ADARB2: variants seen among roughly 807,000 people sequenced by gnomAD.
The protein encoded by ADARB2 is inactive double-stranded RNA-specific editase B2.
Under a neutral mutation model 62.2 loss-of-function variants are expected in ADARB2, and 25 were observed. The observed-to-expected ratio is 0.40, with a 90% CI of 0.29 to 0.56. ADARB2 has a LOEUF of 0.56. Among genes scored for constraint, ADARB2 ranks in the 20% least tolerant of loss-of-function variants. The pLI is 0.43. For synonymous variants in ADARB2, 572 were observed against 500.8 expected (o/e 1.14, Z -1.90); for missense variants, 1,071 against 1,077.4 (o/e 0.99, Z 0.08).
intron 1 of ADARB2, among the ~76,000 whole-genome samples, chr10:1,532,716 G>A (rs1042608785): frequency 2.6e-5 from 4 of 152,158 alleles, no homozygotes; most frequent in East Asian, 1.9e-4. Flanking sequence ...TTTCTTTAGG[G>A]GGATGTGACC....
intron 7 of ADARB2, among the ~76,000 whole-genome samples, chr10:1,212,198 G>C (rs565420177): frequency 1.3e-5 from 2 of 152,292 alleles, no homozygotes; most frequent in Admixed American, 1.3e-4. Flanking sequence ...TGTTATTTAA[G>C]CCCTAGGTTT....
chr10:1,232,519 T>C (rs111164676), intron 6 of ADARB2, among the ~76,000 whole-genome samples: 11,412 of 151,658 alleles, frequency 0.075, 1,400 homozygotes, highest in African/African-American at 0.26. Flanking sequence ...GTATGTGCTG[T>C]GTGTGATGTG....
intron 3 of ADARB2, among the ~76,000 whole-genome samples, chr10:1,336,805 C>G (rs1212194180): frequency 6.6e-6 from 1 of 152,086 alleles, no homozygotes; most frequent in Non-Finnish European, 1.5e-5. Flanking sequence ...GAAAGAATTG[C>G]TTGCAGGATG....
rs747329974 is a variant in ADARB2, at chr10:1,217,086, C to T, written c.1547G>A (p.Arg516His). 1.6e-5 allele frequency: 26 copies of T among 1,606,144 alleles called. No individual in the cohort carries two copies. Among genetic ancestry groups the T allele is most frequent in the Middle Eastern group, 1.6e-4 (1 of 6,070 alleles). ...CTCGATCTTGGTGCGCAGGTGCCCG[C>T]GGAACTTCCTGACGAGGTGTTTGCT... The part of the protein sequence containing the change: ...HSSKHLVRKF[R>H]GHLRTKIESG... Residue 516 changes from arginine to histidine, a missense_variant, in exon 7 of 10, where the codon CGC becomes CAC. By Grantham distance (29) the Arg-to-His change is conservative. Transcript: ENST00000381312.
chr10:1,698,272 C>T (rs1432653772), intron 1 of ADARB2, among the ~76,000 whole-genome samples: 2 of 152,186 alleles, frequency 1.3e-5, no homozygotes, highest in African/African-American at 2.4e-5. Flanking sequence ...AGATGCCACC[C>T]ATTAGCAGGT....
chr10:1,206,935 G>T (rs1837075804), intron 7 of ADARB2, among the ~76,000 whole-genome samples: 1 of 152,232 alleles, frequency 6.6e-6, no homozygotes, highest in Admixed American at 6.5e-5. Flanking sequence ...GGTCGGTGGT[G>T]CTGGTGCAGG....
chr10:1,335,465 A>G (rs78235122), intron 3 of ADARB2, among the ~76,000 whole-genome samples: 3,371 of 93,722 alleles, frequency 0.036, 74 homozygotes, highest in East Asian at 0.17. Context: ...AACAGGGAAG[A>G]AGGGTGGGGG....
chr10:1,680,074 C>T (rs144605942), intron 1 of ADARB2, among the ~76,000 whole-genome samples: 51 of 152,186 alleles, frequency 3.4e-4, no homozygotes, highest in African/African-American at 8.9e-4. Flanking sequence ...TTGCTTGGCA[C>T]CCATTCCCCT....
At chr10:1,201,136 T>G (rs916995992) in intron 7 of ADARB2, among the ~76,000 whole-genome samples, 1 of 152,216 alleles carries the variant, frequency 6.6e-6, no homozygotes, top group Non-Finnish European at 1.5e-5. Context: ...CACAAGCAAT[T>G]TAGCCAGCGA....
At chr10:1,546,322 A>G (rs1245277494) in intron 1 of ADARB2, among the ~76,000 whole-genome samples, 2 of 152,194 alleles carry the variant, frequency 1.3e-5, no homozygotes, top group Admixed American at 1.3e-4. Flanking sequence ...TGTAGGTCAA[A>G]ACCCTGGTGT....
In ADARB2 at chr10:1,477,779, T is replaced by C. The variant is rs1339532564; in HGVS notation, c.101-98619A>G. ...GAGACCACAGCCACGTGTTATTTCA[T>C]GCTATGTTTAAATCTAACTTGGGAC... On this transcript the variant is annotated intron_variant, in intron 1 of 9. Transcript: ENST00000381312. This position sits in a 1 kb window ranked among gnomAD's most constrained non-coding sequence, Gnocchi z 4.5. Among the ~76,000 whole-genome samples the C allele has an allele frequency of 6.6e-6, 1 of 152,238 alleles. No homozygotes were observed. Among genetic ancestry groups the C allele is most frequent in the Non-Finnish European group, 1.5e-5 (1 of 68,034 alleles).
chr10:1,462,260 G>A (rs1420122609), intron 1 of ADARB2, among the ~76,000 whole-genome samples: 1 of 151,830 alleles, frequency 6.6e-6, no homozygotes, highest in Non-Finnish European at 1.5e-5. Context: ...AAGCCCTTAT[G>A]TCACCTGTGT....
chr10:1,500,041 G>A (rs962604152), intron 1 of ADARB2, among the ~76,000 whole-genome samples: 8 of 152,212 alleles, frequency 5.3e-5, no homozygotes, highest in Non-Finnish European at 8.8e-5. Context: ...ACTGCACAAC[G>A]TATTTTATTA....
At chr10:1,205,109 G>A (rs1197618114) in intron 7 of ADARB2, among the ~76,000 whole-genome samples, 7 of 152,296 alleles carry the variant, frequency 4.6e-5, no homozygotes, top group South Asian at 4.1e-4. Flanking sequence ...TCCTGAGTCC[G>A]TGAAGTGGAT....
intron 1 of ADARB2, among the ~76,000 whole-genome samples, chr10:1,654,552 C>T (rs1372157909): frequency 1.3e-5 from 2 of 152,238 alleles, no homozygotes; most frequent in African/African-American, 2.4e-5. Context: ...CCAGCTTCCC[C>T]GCAGGGTGGC....
chr10:1,232,137 T>C (rs938963366), intron 6 of ADARB2, among the ~76,000 whole-genome samples: 1 of 151,936 alleles, frequency 6.6e-6, no homozygotes, highest in African/African-American at 2.4e-5. Context: ...CATACACATA[T>C]CACATACACC....
intron 4 of ADARB2, among the ~76,000 whole-genome samples, chr10:1,264,986 C>A (rs1404729332): frequency 6.6e-6 from 1 of 152,194 alleles, no homozygotes; most frequent in African/African-American, 2.4e-5. Context: ...TAGAAAACTC[C>A]TTTTTTCTAG....
chr10:1,260,013 T>C (rs1322774788), intron 4 of ADARB2, among the ~76,000 whole-genome samples: 10 of 152,294 alleles, frequency 6.6e-5, no homozygotes, highest in Non-Finnish European at 1.2e-4. Flanking sequence ...AATCAATAAA[T>C]GTAATCCAGC....
intron 1 of ADARB2, among the ~76,000 whole-genome samples, chr10:1,640,642 A>G (rs910168706): frequency 6.6e-6 from 1 of 152,220 alleles, no homozygotes; most frequent in African/African-American, 2.4e-5. Flanking sequence ...GGAGACACAC[A>G]CACACACAAA....
Sources: allele counts gnomAD v4.1 joint callset (sites outside exome capture counted in the v4.1 genomes callset), GRCh38; gene constraint gnomAD v4.1.1; non-coding constraint Gnocchi (gnomAD v3.1); transcripts MANE v1.5; gene names NCBI Gene and HGNC (gene_info 2026-07-23, HGNC 2026-07-21).